The following GRIK2 variants were observed in gnomAD, a reference collection of about 807,000 sequenced individuals.
The protein encoded by GRIK2 is glutamate receptor ionotropic, kainate 2.
A neutral mutation model predicts 100.3 loss-of-function variants in GRIK2; 32 were observed. The ratio of observed to expected loss-of-function variants is 0.32; its 90% CI spans 0.24 to 0.43. The LOEUF (loss-of-function observed/expected upper bound fraction) is 0.43, where lower values mean the gene tolerates loss of function less well. Ranked by LOEUF, GRIK2 falls within the 20% of genes least tolerant of loss-of-function variation. The pLI is 1.00. For synonymous variants in GRIK2, 417 were observed against 389.4 expected (o/e 1.07, Z -0.83); for missense variants, 843 against 1,114.9 (o/e 0.76, Z 3.47).
rs558969408 is a variant in GRIK2 at position 101,698,167 on chromosome 6, T to C, written c.951+11814T>C. On this transcript the variant is annotated intron_variant, in intron 7 of 16. Coordinates refer to ENST00000369134, the MANE Select transcript of GRIK2 (RefSeq NM_021956.5). The stretch of plus-strand genomic sequence containing the variant: ...AGCTAGTTTAATATCAAATTGTTGA[T>C]GCTTTTTTTTCATGACACTATCTGA... 8.9e-3 allele frequency among the ~76,000 whole-genome samples: 540 copies of C among 60,914 alleles called. 9 individuals carry two copies. The highest frequency in any genetic ancestry group is 4.3e-3 in the East Asian group (8 of 1,878). 40.0% of individuals were successfully genotyped at this position (60,914 alleles called of 152,430 possible).
At chr6:101,766,917 G>A (rs117115920) in intron 7 of GRIK2, among the ~76,000 whole-genome samples, 1 of 152,170 alleles carries the variant, frequency 6.6e-6, no homozygotes, top group Non-Finnish European at 1.5e-5. Context: ...AGATAAGATG[G>A]CATGCATGGC....
intron 14 of GRIK2, among the ~76,000 whole-genome samples, chr6:102,026,186 C>G (rs1769698490): frequency 7.1e-6 from 1 of 140,840 alleles, no homozygotes; most frequent in African/African-American, 2.6e-5. Flanking sequence ...ACAGTCATCT[C>G]ATGTACAAGT....
rs747672367 is a variant in GRIK2 at position 101,490,528 on chromosome 6, T to G, written c.115+91136T>G. 1.4e-5 allele frequency among the ~76,000 whole-genome samples: 2 copies of G among 146,720 alleles called. 1 individual carries two copies. The highest frequency in any genetic ancestry group is 3.0e-5 in the Non-Finnish European group (2 of 66,648). ...AGGCAGAGTAGAAGGAAAGGGACTT[T>G]AGCTTCACTCAGAAATGTGTGTACA... On this transcript the variant is annotated intron_variant, in intron 2 of 16. Coordinates refer to ENST00000369134, the MANE Select transcript of GRIK2 (RefSeq NM_021956.5).
intron 2 of GRIK2, among the ~76,000 whole-genome samples, chr6:101,443,728 A>G (rs1435198960): frequency 6.6e-6 from 1 of 152,060 alleles, no homozygotes; most frequent in East Asian, 1.9e-4. Context: ...AATCAAGGTA[A>G]TAGTTTTCCC....
chr6:101,971,133 T>G (rs952785803), intron 14 of GRIK2, among the ~76,000 whole-genome samples: 1 of 151,226 alleles, frequency 6.6e-6, no homozygotes, highest in Admixed American at 6.6e-5. Flanking sequence ...TGGAAAATAT[T>G]TGTAGATCAA....
chr6:102,015,201 C>CT lies in GRIK2; in HGVS notation c.2086-20130dup, dbSNP rs918513309. Among the ~76,000 whole-genome samples the CT allele has an allele frequency of 5.0e-3, 701 of 141,284 alleles. 2 individuals carry two copies. The highest frequency in any genetic ancestry group is 7.9e-3 in the African/African-American group (269 of 33,982). 92.7% of individuals were successfully genotyped at this position (141,284 alleles called of 152,430 possible). A position where few individuals can be genotyped will look rare whatever the true frequency, so the allele number is the denominator to read the frequency against. ...CCCTTTACTATTATTTAATGCCCTT[C>CT]TTTTTTTTTTATCTTTGTTGATTTA... On this transcript the variant is annotated intron_variant, in intron 14 of 16. Coordinates refer to ENST00000369134, the MANE Select transcript of GRIK2 (RefSeq NM_021956.5).
intron 7 of GRIK2, among the ~76,000 whole-genome samples, chr6:101,726,401 C>A (rs1774869146): frequency 6.6e-6 from 1 of 151,894 alleles, no homozygotes; most frequent in Admixed American, 6.6e-5. Flanking sequence ...TTAAAGAGAA[C>A]TTAATATATA....
chr6:101,704,681 C>T (rs1341618374), intron 7 of GRIK2, among the ~76,000 whole-genome samples: 1 of 151,148 alleles, frequency 6.6e-6, no homozygotes, highest in Non-Finnish European at 1.5e-5. Context: ...TCCCCACCCC[C>T]CGAAAAAAAC....
chr6:101,863,617 A>C (rs1234532110), intron 11 of GRIK2, among the ~76,000 whole-genome samples: 1 of 152,296 alleles, frequency 6.6e-6, no homozygotes, highest in East Asian at 1.9e-4. Flanking sequence ...TCTGCTGGTG[A>C]ATCTCTGACC....
chr6:101,652,494 C>T (rs1781848120), intron 4 of GRIK2, among the ~76,000 whole-genome samples: 1 of 152,020 alleles, frequency 6.6e-6, no homozygotes, highest in Non-Finnish European at 1.5e-5. Context: ...TTATACCAGC[C>T]TGAACTAATT....
intron 7 of GRIK2, among the ~76,000 whole-genome samples, chr6:101,784,028 A>C (rs1005777228): frequency 2.0e-4 from 30 of 152,252 alleles, no homozygotes; most frequent in African/African-American, 7.2e-4. Flanking sequence ...GTGGTAGAAA[A>C]GAAAAACCCG....
At chr6:101,799,866 C>G (rs901875103) in intron 8 of GRIK2, 75 bp downstream of exon 8, 1 of 1,179,638 alleles carries the variant, frequency 8.5e-7, no homozygotes, top group Non-Finnish European at 1.2e-6. Flanking sequence ...TGTGGTTTTT[C>G]TAGCAAGTGT....
chr6:101,400,995 C>G (rs116202158), intron 2 of GRIK2, among the ~76,000 whole-genome samples: 1 of 152,034 alleles, frequency 6.6e-6, no homozygotes, highest in Admixed American at 6.5e-5. Context: ...TACGCACACG[C>G]GTGTGTGTGC....
At chr6:101,761,561 C>T (rs1777668799) in intron 7 of GRIK2, among the ~76,000 whole-genome samples, 1 of 152,028 alleles carries the variant, frequency 6.6e-6, no homozygotes, top group African/African-American at 2.4e-5. Context: ...ATATTCCTTT[C>T]CAGACTAAAA....
At chr6:101,998,416 T>G (rs1794758605) in intron 14 of GRIK2, among the ~76,000 whole-genome samples, 1 of 152,088 alleles carries the variant, frequency 6.6e-6, no homozygotes, top group African/African-American at 2.4e-5. Flanking sequence ...AGTCTATGAC[T>G]TGTCTTTTGA....
intron 8 of GRIK2, among the ~76,000 whole-genome samples, 197 bp downstream of exon 8, chr6:101,799,988 A>G (rs919454653): frequency 6.6e-6 from 1 of 152,102 alleles, no homozygotes; most frequent in Admixed American, 6.6e-5. Flanking sequence ...ATATCTATCA[A>G]AGTATCTATG....
intron 2 of GRIK2, among the ~76,000 whole-genome samples, chr6:101,560,984 A>G (rs954775509): frequency 6.6e-6 from 1 of 152,194 alleles, no homozygotes; most frequent in African/African-American, 2.4e-5. Context: ...TTGGTTATAC[A>G]TGCCTTTATT....
intron 7 of GRIK2, among the ~76,000 whole-genome samples, chr6:101,796,463 A>G (rs1170009434): frequency 6.6e-6 from 1 of 152,214 alleles, no homozygotes; most frequent in Non-Finnish European, 1.5e-5. Context: ...TTATAGACAC[A>G]CAATTTTACA....
At chr6:101,678,919 G>T (rs1163305347) in intron 5 of GRIK2, among the ~76,000 whole-genome samples, 1 of 152,170 alleles carries the variant, frequency 6.6e-6, no homozygotes, top group African/African-American at 2.4e-5. Flanking sequence ...TTTCCTGCTA[G>T]AAAGCTTTAA....
Sources: allele counts gnomAD v4.1 joint callset (sites outside exome capture counted in the v4.1 genomes callset), GRCh38; gene constraint gnomAD v4.1.1; transcripts MANE v1.5; gene names NCBI Gene and HGNC (gene_info 2026-07-23, HGNC 2026-07-21).